The following SUGT1 variants were observed in gnomAD, a reference collection of about 807,000 sequenced individuals.
SUGT1 encodes SGT1 assembly cochaperone of MIS12 kinetochore complex.
Under a neutral mutation model 56.1 loss-of-function variants are expected in SUGT1, and 15 were observed. The observed-to-expected ratio is 0.27, with a 90% CI of 0.18 to 0.41. The LOEUF (loss-of-function observed/expected upper bound fraction) is 0.41. Ranked by LOEUF, SUGT1 falls within the 10% of genes least tolerant of loss-of-function variation. SUGT1 has a pLI of 1.00. For missense variants in SUGT1, 347 were observed against 382.2 expected (o/e 0.91, Z 0.77); for synonymous variants, 123 against 128.6 (o/e 0.96, Z 0.30).
At position 52,690,132 on chromosome 13, in the gene SUGT1, T is replaced by C. The variant is rs1484764512; in HGVS notation, c.*2297T>C. On this transcript the variant is annotated 3_prime_UTR_variant, in exon 13 of 13. Transcript: ENST00000310528. ...GTAAAACACATGACTGAAAGCATTA[T>C]AAAACATACCTTGTCAAATACATTA... 1 of 152,186 alleles carries C rather than the reference T, an allele frequency of 6.6e-6. No individual in the cohort carries two copies. Among genetic ancestry groups the C allele is most frequent in the Non-Finnish European group, 1.5e-5 (1 of 68,034 alleles). The allele number at this position is 152,186 out of a possible 1,614,324, so 9.4% of individuals were successfully genotyped here. A position where few individuals can be genotyped will look rare whatever the true frequency, so the allele number is the denominator to read the frequency against.
chr13:52,666,100 T>C (rs1962690058), intron 9 of SUGT1, among the ~76,000 whole-genome samples: 1 of 152,234 alleles, frequency 6.6e-6, no homozygotes, highest in South Asian at 2.1e-4. Context: ...TTTGTTGTTG[T>C]TTTTTGAGAC....
At position 52,676,357 on chromosome 13, in the gene SUGT1, T is replaced by C. The variant is rs780830384; in HGVS notation, c.718+37T>C. The C allele has an allele frequency of 6.6e-6, 10 of 1,510,414 alleles. No individual in the cohort carries two copies. In the East Asian group the frequency reaches 1.8e-4, roughly 27 times the overall value. The allele number at this position is 1,510,414 out of a possible 1,614,324, so 93.6% of individuals were successfully genotyped here. A position where few individuals can be genotyped will look rare whatever the true frequency, so the allele number is the denominator to read the frequency against. On this transcript the variant is annotated intron_variant, in intron 11 of 12. Transcript: ENST00000310528. ...GGCCTTGATGAGCTTTATATTCATA[T>C]TGTGTTGTGTAATTGAAATTAAATA...
At chr13:52,680,542 C>T (rs1259844468) in intron 12 of SUGT1, among the ~76,000 whole-genome samples, 2 of 152,020 alleles carry the variant, frequency 1.3e-5, no homozygotes, top group Non-Finnish European at 2.9e-5. Context: ...AGAAGGTGCA[C>T]GTTATTCATT....
chr13:52,653,335 C>T (rs113841651), intron 2 of SUGT1, among the ~76,000 whole-genome samples: 2 of 152,034 alleles, frequency 1.3e-5, no homozygotes, highest in African/African-American at 4.8e-5. Context: ...CTGAGAAAAA[C>T]CTCCTCTATT....
intron 8 of SUGT1, among the ~76,000 whole-genome samples, chr13:52,664,900 T>C (rs906751741): frequency 1.3e-5 from 2 of 152,188 alleles, no homozygotes; most frequent in Non-Finnish European, 2.9e-5. Flanking sequence ...CCTAGGGATA[T>C]AATAGCGACA....
rs1181366189 is a variant in SUGT1, at chr13:52,662,652, C to T, written c.332C>T (p.Ala111Val). ...ATAGTCAGTTTTTTCTTTCTAGGTG[C>T]AGATGCTAATTTCAGTGTCTGGATT... ...TFTEGQKLDSADANFSVWIKR... is the reference protein window; with the variant it reads ...TFTEGQKLDSVDANFSVWIKR... The change falls in exon 6 of 13, where the codon GCA (alanine) becomes GTA (valine). Residue 111 changes from alanine to valine, a missense_variant. By Grantham distance (64) the Ala-to-Val change is moderately conservative. Coordinates refer to ENST00000310528, the MANE Select transcript of SUGT1 (RefSeq NM_006704.5). 1 of 1,613,556 alleles carries T rather than the reference C, an allele frequency of 6.2e-7. No homozygotes were observed. The highest frequency in any genetic ancestry group is 2.2e-5 in the East Asian group (1 of 44,876).
At chr13:52,662,622 A>G in intron 5 of SUGT1, 27 bp from the exon 6 acceptor site, 1 of 1,611,946 alleles carries the variant, frequency 6.2e-7, no homozygotes, top group Non-Finnish European at 8.5e-7. Flanking sequence ...CAGATGAGTG[A>G]TGTTATAGTC....
chr13:52,668,679 C>T (rs1962813614), intron 10 of SUGT1, among the ~76,000 whole-genome samples: 1 of 151,960 alleles, frequency 6.6e-6, no homozygotes, highest in Non-Finnish European at 1.5e-5. Flanking sequence ...TTTTAGTAAT[C>T]AAGCACAAAA....
At chr13:52,665,158 C>T (rs1054450234) in intron 8 of SUGT1, among the ~76,000 whole-genome samples, 1 of 152,116 alleles carries the variant, frequency 6.6e-6, no homozygotes, top group African/African-American at 2.4e-5. Flanking sequence ...TATCTGCTTC[C>T]AACATCAGTT....
At chr13:52,654,354 T>C (rs1962060257) in intron 2 of SUGT1, among the ~76,000 whole-genome samples, 1 of 152,234 alleles carries the variant, frequency 6.6e-6, no homozygotes, top group African/African-American at 2.4e-5. Context: ...TTAGACCTAG[T>C]GCTTCCTTTG....
chr13:52,699,641 C>T lies in SUGT1; in HGVS notation c.*11806C>T, dbSNP rs1361469092. On this transcript the variant is annotated 3_prime_UTR_variant, in exon 13 of 13. Coordinates refer to ENST00000310528, the MANE Select transcript of SUGT1 (RefSeq NM_006704.5). Reference sequence around the variant, plus strand: ...ACCATTTGCCTTTAACAGCATTAGTCCCGCTAAGAGAAAGTTTTTGCTTGT... The same window carrying T: ...ACCATTTGCCTTTAACAGCATTAGTTCCGCTAAGAGAAAGTTTTTGCTTGT... The T allele has an allele frequency of 6.6e-6, 1 of 152,124 alleles. No homozygotes were observed. The highest frequency in any genetic ancestry group is 1.5e-5 in the Non-Finnish European group (1 of 68,012). 9.4% of individuals were successfully genotyped at this position (152,124 alleles called of 1,614,324 possible).
rs7994615 is a variant in SUGT1, at chr13:52,698,713, G to A, written c.*10878G>A. 151,299 of 152,438 alleles carry A rather than the reference G, an allele frequency of 0.99. 75,085 individuals are homozygous for A. Among genetic ancestry groups the A allele is most frequent in the East Asian group, 1 (5,174 of 5,174 alleles). 9.4% of individuals were successfully genotyped at this position (152,438 alleles called of 1,614,324 possible). On this transcript the variant is annotated 3_prime_UTR_variant, in exon 13 of 13. Transcript: ENST00000310528. The stretch of plus-strand genomic sequence containing the variant: ...GGCTTCCCAAAGTGCTGGGATTACA[G>A]GCGTGAGCCACCATGCTTAGCTGAT...
rs563236143 is a variant in SUGT1, at chr13:52,674,512, C to T, written c.628-1718C>T. On this transcript the variant is annotated intron_variant, in intron 10 of 12. Coordinates refer to ENST00000310528, the MANE Select transcript of SUGT1 (RefSeq NM_006704.5). ...TATTGGCAGTTTTTCCCTGTGTTAG[C>T]GCTTGTTAAGGTATTTTAAGGTGCA... Among the ~76,000 whole-genome samples, 17 of 152,156 alleles carry T rather than the reference C, an allele frequency of 1.1e-4. No individual in the cohort carries two copies. The East Asian group carries it at 3.3e-3, about 29-fold the overall frequency.
rs1963967320 is a variant in SUGT1 at position 52,697,255 on chromosome 13, T to TTGCC, written c.*9422_*9423insCCTG. ...CCTGGGTTCAAGCAGTCCTCCCACC[T>TTGCC]TGGCCTCCCAAAGTGTTGGGATTAT... On this transcript the variant is annotated 3_prime_UTR_variant, in exon 13 of 13. Transcript: ENST00000310528. The TTGCC allele has an allele frequency of 6.6e-6, 1 of 152,578 alleles. No individual in the cohort carries two copies. The highest frequency in any genetic ancestry group is 1.5e-5 in the Non-Finnish European group (1 of 68,230). 9.5% of individuals were successfully genotyped at this position (152,578 alleles called of 1,614,324 possible).
At position 52,694,834 on chromosome 13, in the gene SUGT1, G is replaced by C. The variant is rs1244575427; in HGVS notation, c.*6999G>C. 6.6e-6 allele frequency: 1 copy of C among 152,236 alleles called. No homozygotes were observed. The highest frequency in any genetic ancestry group is 2.4e-5 in the African/African-American group (1 of 41,440). The allele number at this position is 152,236 out of a possible 1,614,324, so 9.4% of individuals were successfully genotyped here. ...CTCCCAAGTAGCTGGGACTACAGGC[G>C]TCCGCCACCATGCCCGGCTAATTTT... On this transcript the variant is annotated 3_prime_UTR_variant, in exon 13 of 13. Coordinates refer to ENST00000310528, the MANE Select transcript of SUGT1 (RefSeq NM_006704.5).
chr13:52,672,141 T>C (rs1406129461), intron 10 of SUGT1, among the ~76,000 whole-genome samples: 1 of 152,186 alleles, frequency 6.6e-6, no homozygotes, highest in Admixed American at 6.5e-5. Context: ...TGCGTTATCA[T>C]AGAAAATCTG....
At chr13:52,677,501 G>T (rs1388751911) in intron 11 of SUGT1, among the ~76,000 whole-genome samples, 3 of 152,156 alleles carry the variant, frequency 2.0e-5, no homozygotes, top group Admixed American at 1.3e-4. Flanking sequence ...TGAGGCTGAG[G>T]TTTATATGTA....
At chr13:52,675,685 G>A (rs1191341519) in intron 10 of SUGT1, among the ~76,000 whole-genome samples, 1 of 152,218 alleles carries the variant, frequency 6.6e-6, no homozygotes, top group East Asian at 1.9e-4. Context: ...AACATGAGTT[G>A]TATTGTGTTT....
rs903935445 is a variant in SUGT1, at chr13:52,694,586, T to C, written c.*6751T>C. On this transcript the variant is annotated 3_prime_UTR_variant, in exon 13 of 13. Transcript: ENST00000310528. ...AAGCTCAAAACAGAAGGTAAAACTA[T>C]TAGGATTTGTGAAAAATACAAGGTA... The C allele has an allele frequency of 3.3e-5, 5 of 152,340 alleles. No individual in the cohort carries two copies. Among genetic ancestry groups the C allele is most frequent in the African/African-American group, 1.2e-4 (5 of 41,584 alleles). 9.4% of individuals were successfully genotyped at this position (152,340 alleles called of 1,614,324 possible).
Sources: gnomAD v4.1 joint callset for allele counts (sites outside exome capture counted in the v4.1 genomes callset) on GRCh38, gnomAD v4.1.1 for gene constraint, MANE v1.5 for transcripts, NCBI Gene and HGNC (gene_info 2026-07-23, HGNC 2026-07-21) for gene names.